TLK1: variants seen among roughly 807,000 people sequenced by gnomAD.
TLK1 encodes the protein serine/threonine-protein kinase tousled-like 1.
TLK1 carries 24 observed loss-of-function variants against 105.3 expected under a neutral mutation model. That is an observed-to-expected ratio of 0.23 (90% CI 0.17 to 0.32). The LOEUF is 0.32. Ranked by LOEUF, TLK1 falls within the 10% of genes least tolerant of loss-of-function variation. The pLI, the probability that TLK1 is intolerant of heterozygous loss-of-function variation, is 1.00. For missense variants in TLK1, 558 were observed against 910.5 expected (o/e 0.61, Z 4.98); for synonymous variants, 321 against 310.4 (o/e 1.03, Z -0.36).
chr2:171,229,319 A>T (rs1693951449), intron 1 of TLK1, among the ~76,000 whole-genome samples: 1 of 152,198 alleles, frequency 6.6e-6, no homozygotes, highest in Non-Finnish European at 1.5e-5. Flanking sequence ...AGTCTTGTGC[A>T]GGCTAATGGA....
chr2:171,020,839 G>A (rs1216712790), intron 12 of TLK1, among the ~76,000 whole-genome samples: 2 of 151,788 alleles, frequency 1.3e-5, no homozygotes. Flanking sequence ...TGGGGAGAAG[G>A]GTAGGAGAAG....
In TLK1 at chr2:171,160,330, G is replaced by A. The variant is rs1340720511; in HGVS notation, c.99C>T (p.Ser33=). 4.4e-6 allele frequency: 7 copies of A among 1,602,320 alleles called. No homozygotes were observed. The highest frequency in any genetic ancestry group is 6.0e-6 in the Non-Finnish European group (7 of 1,175,530). ...PTPGSAAAAR[S]LLNHTPPSGR... is the part of the protein sequence containing the mutation. Reference sequence around the variant, plus strand: ...CGGATGGCGGCGTGTGATTCAGCAGGGACCTGGCCGCCGCCGCCGAGCCCG... The same window carrying A: ...CGGATGGCGGCGTGTGATTCAGCAGAGACCTGGCCGCCGCCGCCGAGCCCG... The change falls in exon 1 of 21, where the codon TCC becomes TCT. Residue 33 remains serine, a synonymous_variant. Transcript: ENST00000431350. The surrounding 1 kb of genome is among the most constrained non-coding windows in gnomAD (Gnocchi z 4.4).
rs370177461 is a variant in TLK1 at position 171,109,642 on chromosome 2, TA to T, written c.258+8096del. ...TAAAATATACATCTATCCAGCTAAG[TA>T]TCTTCCCAAGAGAAATTAAAACATG... On this transcript the variant is annotated intron_variant, in intron 2 of 20. Coordinates refer to ENST00000431350, the MANE Select transcript of TLK1 (RefSeq NM_012290.5). Among the ~76,000 whole-genome samples, 760 of 152,320 alleles carry T rather than the reference TA, an allele frequency of 5.0e-3. 6 individuals carry two copies. The highest frequency in any genetic ancestry group is 0.017 in the African/African-American group (706 of 41,582).
intron 11 of TLK1, among the ~76,000 whole-genome samples, chr2:171,045,007 A>C (rs1686878901): frequency 6.6e-6 from 1 of 152,096 alleles, no homozygotes; most frequent in African/African-American, 2.4e-5. Flanking sequence ...CATACAGAAT[A>C]TAGAGACTAA....
At chr2:171,048,757 G>A (rs965940582) in intron 10 of TLK1, among the ~76,000 whole-genome samples, 3 of 141,602 alleles carry the variant, frequency 2.1e-5, no homozygotes, top group African/African-American at 7.6e-5. Flanking sequence ...AGTCCTAGGA[G>A]GCAGTGTTTG....
chr2:171,161,137 C>G (rs569729568), upstream of TLK1, among the ~76,000 whole-genome samples: 5 of 147,064 alleles, frequency 3.4e-5, no homozygotes, highest in African/African-American at 1.2e-4. Flanking sequence ...GCGCGGGAGC[C>G]CGGGGTTGCC....
At chr2:171,015,318 G>A (rs576977977) in intron 12 of TLK1, among the ~76,000 whole-genome samples, 6 of 151,468 alleles carry the variant, frequency 4.0e-5, no homozygotes, top group African/African-American at 1.5e-4. Flanking sequence ...TTTACTAGTA[G>A]AAAACAAATA....
At chr2:171,178,629 A>G (rs547070662) in intron 1 of TLK1, among the ~76,000 whole-genome samples, 2 of 152,368 alleles carry the variant, frequency 1.3e-5, no homozygotes, top group African/African-American at 4.8e-5. Flanking sequence ...CAAGCAAAAC[A>G]TTAGCTGAAA....
At chr2:171,020,768 G>T (rs1407258085) in intron 12 of TLK1, among the ~76,000 whole-genome samples, 1 of 151,992 alleles carries the variant, frequency 6.6e-6, no homozygotes, top group Non-Finnish European at 1.5e-5. Context: ...GACAAAGCAG[G>T]TCTGACTTTT....
chr2:171,209,468 G>T, intron 1 of TLK1, among the ~76,000 whole-genome samples: 1 of 152,104 alleles, frequency 6.6e-6, no homozygotes, highest in Non-Finnish European at 1.5e-5. Context: ...TATATATTGG[G>T]TAAGAAAAGC....
Position 170,991,467 on chromosome 2 carries a change from C to CTT in TLK1, c.*2311_*2312dup, listed in dbSNP as rs1007938445. ...ATGTTATTCAAAATCTATAACATTTCTTTGGGAAACTTTTAGAAGGAAAAT... is the reference window on the plus strand; with the variant it reads ...ATGTTATTCAAAATCTATAACATTTCTTTTTGGGAAACTTTTAGAAGGAAAAT... On this transcript the variant is annotated 3_prime_UTR_variant, in exon 21 of 21. Coordinates refer to ENST00000431350, the MANE Select transcript of TLK1 (RefSeq NM_012290.5). 55 of 152,288 alleles carry CTT rather than the reference C, an allele frequency of 3.6e-4. No homozygotes were observed. The highest frequency in any genetic ancestry group is 1.3e-3 in the African/African-American group (55 of 41,570). 9.4% of individuals were successfully genotyped at this position (152,288 alleles called of 1,614,324 possible). A position where few individuals can be genotyped will look rare whatever the true frequency, so the allele number is the denominator to read the frequency against.
intron 1 of TLK1, among the ~76,000 whole-genome samples, chr2:171,145,446 T>C (rs563451153): frequency 9.9e-5 from 15 of 151,502 alleles, no homozygotes; most frequent in Admixed American, 8.6e-4. Context: ...AAAAATTAGC[T>C]GGGCATGGTG....
At chr2:171,013,960 T>C (rs1685051915) in intron 13 of TLK1, among the ~76,000 whole-genome samples, 1 of 152,246 alleles carries the variant, frequency 6.6e-6, no homozygotes, top group African/African-American at 2.4e-5. Flanking sequence ...AGATATTTTC[T>C]TTTCTTTCAA....
chr2:171,052,268 G>A (rs1246635461), intron 8 of TLK1, among the ~76,000 whole-genome samples: 26 of 151,524 alleles, frequency 1.7e-4, no homozygotes. Context: ...CTTAGCGGGG[G>A]AAAAAAAAGA....
intron 1 of TLK1, among the ~76,000 whole-genome samples, chr2:171,137,076 A>T (rs60396936): frequency 0.11 from 17,338 of 152,202 alleles, 1,552 homozygotes; most frequent in African/African-American, 0.24. Flanking sequence ...TAATCCCAGC[A>T]CTTTGGGAAG....
rs377552379 is a variant in TLK1 at position 171,160,217 on chromosome 2, C to CG, written c.139+72dup. 0.094 allele frequency: 83,949 copies of CG among 894,542 alleles called. 1,127 individuals are homozygous for CG. Among genetic ancestry groups the CG allele is most frequent in the African/African-American group, 0.22 (9,625 of 44,462 alleles). 55.4% of individuals were successfully genotyped at this position (894,542 alleles called of 1,614,324 possible). On this transcript the variant is annotated intron_variant, in intron 1 of 20. Coordinates refer to ENST00000431350, the MANE Select transcript of TLK1 (RefSeq NM_012290.5). This position sits in a 1 kb window ranked among gnomAD's most constrained non-coding sequence, Gnocchi z 4.4. The stretch of plus-strand genomic sequence containing the variant: ...CGGAGAAGCCCCGGGGCGGGGGGGG[C>CG]GGGGGGGGGGCGCGGGGGTCCGCGG...
chr2:171,066,657 T>A (rs1688009884), intron 3 of TLK1, among the ~76,000 whole-genome samples: 1 of 152,244 alleles, frequency 6.6e-6, no homozygotes, highest in African/African-American at 2.4e-5. Flanking sequence ...TTCACACATG[T>A]TTAAAGGAGT....
At chr2:171,098,087 G>T (rs540225965) in intron 2 of TLK1, among the ~76,000 whole-genome samples, 1 of 152,228 alleles carries the variant, frequency 6.6e-6, no homozygotes, top group East Asian at 1.9e-4. Flanking sequence ...TACAACGATG[G>T]TTGCCAGGAA....
At chr2:171,040,580 T>G (rs945444258) in intron 11 of TLK1, among the ~76,000 whole-genome samples, 20 of 149,226 alleles carry the variant, frequency 1.3e-4, no homozygotes, top group Middle Eastern at 3.4e-3. Context: ...TTTTTTTTTT[T>G]TTTTTTTTTG....
Sources: gnomAD v4.1 joint callset for allele counts (sites outside exome capture counted in the v4.1 genomes callset) on GRCh38, gnomAD v4.1.1 for gene constraint, Gnocchi (gnomAD v3.1) non-coding constraint, MANE v1.5 for transcripts, NCBI Gene and HGNC (gene_info 2026-07-23, HGNC 2026-07-21) for gene names.